The following PRIMPOL variants were observed in gnomAD, a reference collection of about 807,000 sequenced individuals.
The protein encoded by PRIMPOL is primase and DNA directed polymerase.
A neutral mutation model predicts 63.6 loss-of-function variants in PRIMPOL; 54 were observed. That is an observed-to-expected ratio of 0.85 (90% CI 0.68 to 1.07). PRIMPOL has a LOEUF of 1.07. Among genes scored for constraint, PRIMPOL ranks in the 50% least tolerant of loss-of-function variants. The pLI, the probability that PRIMPOL is intolerant of heterozygous loss-of-function variation, is 0.00. For synonymous variants in PRIMPOL, 197 were observed against 220.2 expected (o/e 0.89, Z 0.93); for missense variants, 610 against 648.3 (o/e 0.94, Z 0.64).
intron 4 of PRIMPOL, 149 bp downstream of exon 4, chr4:184,659,586 T>G (rs896456992): frequency 4.5e-6 from 3 of 674,112 alleles, no homozygotes; most frequent in Non-Finnish European, 7.9e-6. Flanking sequence ...TGGAGTTTTC[T>G]TGTCATAGCA....
At chr4:184,666,743 G>C (rs992211486) in intron 6 of PRIMPOL, among the ~76,000 whole-genome samples, 1 of 152,196 alleles carries the variant, frequency 6.6e-6, no homozygotes, top group Non-Finnish European at 1.5e-5. Context: ...TTGCTTTGGG[G>C]CTTCGGTCCC....
intron 3 of PRIMPOL, 70 bp from the exon 4 acceptor site, chr4:184,659,267 CATT>C: frequency 2.1e-6 from 2 of 940,916 alleles, no homozygotes; most frequent in Non-Finnish European, 3.3e-6. Context: ...TCTTTATGAA[CATT>C]CAGTAGCTAC....
intron 6 of PRIMPOL, among the ~76,000 whole-genome samples, chr4:184,668,955 G>A (rs577590335): frequency 9.9e-5 from 15 of 151,816 alleles, no homozygotes; most frequent in Admixed American, 4.6e-4. Flanking sequence ...CTCATCTCCC[G>A]CCACCCTGCC....
chr4:184,680,742 G>A (rs1019893378), intron 8 of PRIMPOL, among the ~76,000 whole-genome samples: 2 of 152,070 alleles, frequency 1.3e-5, no homozygotes, highest in African/African-American at 2.4e-5. Context: ...CGGAGTTGTC[G>A]AGAGGATTTA....
intron 11 of PRIMPOL, among the ~76,000 whole-genome samples, chr4:184,686,157 A>G (rs72703528): frequency 0.099 from 15,093 of 152,246 alleles, 933 homozygotes; most frequent in Middle Eastern, 0.16. Flanking sequence ...TTTAATTTAA[A>G]TGTTGTGATT....
chr4:184,657,269 A>G lies in PRIMPOL; in HGVS notation c.129A>G (p.Arg43=), dbSNP rs1746724280. The G allele has an allele frequency of 5.6e-6, 9 of 1,613,576 alleles. No individual in the cohort carries two copies. The highest frequency in any genetic ancestry group is 7.6e-6 in the Non-Finnish European group (9 of 1,179,814). Residue 43 remains arginine (R), a synonymous_variant, in exon 3 of 14, where the codon AGA becomes AGG. Transcript: ENST00000314970. The part of the protein sequence containing the change: ...SKPEEPPSIW[R]LFHRQAQAFN... Reference sequence around the variant, plus strand: ...CAGAAGAACCACCCTCCATCTGGAGACTATTTCATCGACAAGCTCAAGCTT... The same window carrying G: ...CAGAAGAACCACCCTCCATCTGGAGGCTATTTCATCGACAAGCTCAAGCTT...
rs1351339143 is a variant in PRIMPOL at position 184,685,420 on chromosome 4, G to A, written c.1108G>A (p.Glu370Lys). ...NSIGTSVETIEGFQCSPYPEV... is the reference protein window; with the variant it reads ...NSIGTSVETIKGFQCSPYPEV... ...TCTCTCTGTTGCAGTAGAAACCATT[G>A]AAGGTTTTCAGTGTTCTCCCTATCC... is the stretch of plus-strand genomic sequence containing the variant. Residue 370 changes from glutamate (E) to lysine (K), a missense_variant, in exon 10 of 14, where the codon GAA becomes AAA. Coordinates refer to ENST00000314970, the MANE Select transcript of PRIMPOL (RefSeq NM_152683.4). The A allele has an allele frequency of 6.2e-7, 1 of 1,608,776 alleles. No individual in the cohort carries two copies. Among genetic ancestry groups the A allele is most frequent in the African/African-American group, 1.3e-5 (1 of 74,816 alleles).
intron 5 of PRIMPOL, 145 bp from the exon 6 acceptor site, chr4:184,665,772 T>C (rs1455891628): frequency 2.1e-6 from 1 of 466,118 alleles, no homozygotes; most frequent in Non-Finnish European, 3.6e-6. Flanking sequence ...CCCAAAGTGC[T>C]GGGATTACAG....
Position 184,694,634 on chromosome 4 carries a change from G to C in PRIMPOL, c.1538G>C (p.Trp513Ser), listed in dbSNP as rs1321546499. Residue 513 changes from tryptophan to serine, a missense_variant, in exon 14 of 14, where the codon TGG (tryptophan) becomes TCG (serine). Physicochemically the swap from Trp to Ser is radical, Grantham distance 177 (BLOSUM62 -3). Transcript: ENST00000314970. ...LSTGASADAVWDNGIDDAYFL... is the reference protein window; with the variant it reads ...LSTGASADAVSDNGIDDAYFL... ...ACAGGTGCATCTGCTGATGCTGTCT[G>C]GGATAATGGCATTGATGATGCTTAT... 1 of 1,614,182 alleles carries C rather than the reference G, an allele frequency of 6.2e-7. No individual in the cohort carries two copies. The highest frequency in any genetic ancestry group is 1.7e-5 in the Admixed American group (1 of 60,032).
chr4:184,693,597 CTGA>C (rs1759601418), intron 13 of PRIMPOL, among the ~76,000 whole-genome samples: 1 of 152,120 alleles, frequency 6.6e-6, no homozygotes, highest in Admixed American at 6.5e-5. Context: ...TTCTATTGCA[CTGA>C]TATTTCATTG....
chr4:184,678,418 A>G (rs186382014), intron 8 of PRIMPOL, 24 bp downstream of exon 8: 18,292 of 1,544,990 alleles, frequency 0.012, 149 homozygotes, highest in Middle Eastern at 0.02. Flanking sequence ...GCATCAAACC[A>G]TTTTGTATTC....
intron 6 of PRIMPOL, among the ~76,000 whole-genome samples, chr4:184,668,922 G>A (rs1323855774): frequency 4.0e-5 from 6 of 150,502 alleles, no homozygotes; most frequent in South Asian, 4.2e-4. Flanking sequence ...TATTAAAAGC[G>A]ATTATAAATA....
chr4:184,682,230 T>C lies in PRIMPOL; in HGVS notation c.1008-18T>C, dbSNP rs375186976. On this transcript the variant is annotated intron_variant, in intron 8 of 13. Coordinates refer to ENST00000314970, the MANE Select transcript of PRIMPOL (RefSeq NM_152683.4). ...CAGTGTGATGGTGCTTTGTTTCTTTTACCTATTTCTTCTTCAGGTTCTCAG... is the reference window on the plus strand; with the variant it reads ...CAGTGTGATGGTGCTTTGTTTCTTTCACCTATTTCTTCTTCAGGTTCTCAG... The C allele has an allele frequency of 8.5e-6, 12 of 1,410,262 alleles. No homozygotes were observed. The African/African-American group carries it at 1.3e-4, about 15-fold the overall frequency. 87.4% of individuals were successfully genotyped at this position (1,410,262 alleles called of 1,614,324 possible). A position where few individuals can be genotyped will look rare whatever the true frequency, so the allele number is the denominator to read the frequency against.
At chr4:184,686,407 A>G (rs1042415164) in intron 11 of PRIMPOL, among the ~76,000 whole-genome samples, 7 of 152,210 alleles carry the variant, frequency 4.6e-5, no homozygotes, top group African/African-American at 1.7e-4. Context: ...GTTAGTGTTA[A>G]GAGCTGGAGC....
Position 184,657,221 on chromosome 4 carries a change from G to A in PRIMPOL, c.81G>A (p.Val27=), listed in dbSNP as rs2150035177. The part of the protein sequence containing the change: ...SHYERKPLSS[V]YRPRLSKPEE... ...ATGAGAGGAAACCGTTGTCCTCAGT[G>A]TATAGACCAAGATTGTCCAAGCCAG... Residue 27 remains valine (V), a synonymous_variant, in exon 3 of 14, where the codon GTG becomes GTA. Transcript: ENST00000314970. 6.2e-7 allele frequency: 1 copy of A among 1,613,928 alleles called. No homozygotes were observed. Among genetic ancestry groups the A allele is most frequent in the Non-Finnish European group, 8.5e-7 (1 of 1,179,912 alleles).
chr4:184,684,904 G>A lies in PRIMPOL; in HGVS notation c.1097-505G>A, dbSNP rs535702833. Among the ~76,000 whole-genome samples, 3 of 152,296 alleles carry A rather than the reference G, an allele frequency of 2.0e-5. No individual in the cohort carries two copies. The South Asian group carries it at 6.2e-4, about 32-fold the overall frequency. On this transcript the variant is annotated intron_variant, in intron 9 of 13. Transcript: ENST00000314970. ...GCTTCTGTTAGCTGGGATCGGGGGT[G>A]TTGGTCATGTTTGTGGTTTGGAAGA...
chr4:184,677,069 T>C (rs1338866172), intron 7 of PRIMPOL, among the ~76,000 whole-genome samples: 3 of 119,638 alleles, frequency 2.5e-5, no homozygotes, highest in Admixed American at 9.0e-5. Context: ...CCTTTCCCTT[T>C]CCTTTCTATT....
Position 184,661,766 on chromosome 4 carries a change from C to T in PRIMPOL, c.279-8C>T. The T allele has an allele frequency of 6.4e-7, 1 of 1,555,808 alleles. No individual in the cohort carries two copies. Among genetic ancestry groups the T allele is most frequent in the Non-Finnish European group, 8.8e-7 (1 of 1,133,292 alleles). Reference sequence around the variant, plus strand: ...ATCAATTTAACAATCTTGAATTATTCAATTTAGAAAAAATCTCTTACACTG... The same window carrying T: ...ATCAATTTAACAATCTTGAATTATTTAATTTAGAAAAAATCTCTTACACTG... On this transcript the variant is annotated splice_polypyrimidine_tract_variant and splice_region_variant and intron_variant, in intron 4 of 13. Transcript: ENST00000314970.
At chr4:184,651,209 T>G (rs1339633980) in intron 1 of PRIMPOL, among the ~76,000 whole-genome samples, 4 of 151,924 alleles carry the variant, frequency 2.6e-5, no homozygotes, top group South Asian at 2.1e-4. Context: ...GAGAATCGCT[T>G]GAACCCGGGA....
Sources: gnomAD v4.1 joint callset for allele counts (sites outside exome capture counted in the v4.1 genomes callset) on GRCh38, gnomAD v4.1.1 for gene constraint, MANE v1.5 for transcripts, NCBI Gene and HGNC (gene_info 2026-07-23, HGNC 2026-07-21) for gene names.